Variants in RBFOX3 observed in about 807,000 individuals in gnomAD.
RBFOX3 encodes the protein RNA binding protein fox-1 homolog 3.
A neutral mutation model predicts 48.7 loss-of-function variants in RBFOX3; 17 were observed. The ratio of observed to expected loss-of-function variants is 0.35; its 90% CI spans 0.24 to 0.52. RBFOX3 has a LOEUF of 0.52. Ranked by LOEUF, RBFOX3 falls within the 20% of genes least tolerant of loss-of-function variation. The probability of loss-of-function intolerance (pLI) is 0.94; values close to 1 mark genes in which losing one functional copy is unlikely to be tolerated. For missense variants in RBFOX3, 382 were observed against 497.5 expected, an observed-to-expected ratio of 0.77 and a Z score of 2.21; for synonymous variants, 212 against 209.5, an observed-to-expected ratio of 1.01 and a Z score of -0.10.
At chr17:79,167,339 G>A (rs1385759166) in intron 4 of RBFOX3, among the ~76,000 whole-genome samples, 1 of 151,992 alleles carries the variant, frequency 6.6e-6, no homozygotes, top group African/African-American at 2.4e-5. Context: ...CCTCCCTCTG[G>A]GGTCTCTATC....
At chr17:79,543,690 G>A (rs1360516562) in intron 1 of RBFOX3, among the ~76,000 whole-genome samples, 2 of 152,180 alleles carry the variant, frequency 1.3e-5, no homozygotes, top group Non-Finnish European at 2.9e-5. Flanking sequence ...AAGCATGCTG[G>A]GCACGTTCCA....
At chr17:79,536,158 C>T (rs1454922432) in intron 1 of RBFOX3, among the ~76,000 whole-genome samples, 1 of 142,150 alleles carries the variant, frequency 7.0e-6, no homozygotes, top group Non-Finnish European at 1.5e-5. Context: ...CTTACTGCAA[C>T]CTCTGCCTTC....
In RBFOX3 at chr17:79,142,430, G is replaced by A. The variant is rs74366154; in HGVS notation, c.-33-26682C>T. 6.3e-3 allele frequency among the ~76,000 whole-genome samples: 955 copies of A among 152,262 alleles called. 12 individuals carry two copies. The highest frequency in any genetic ancestry group is 0.022 in the African/African-American group (901 of 41,552). On this transcript the variant is annotated intron_variant, in intron 4 of 14. Coordinates refer to ENST00000693108, the MANE Select transcript of RBFOX3 (RefSeq NM_001350451.2). The stretch of plus-strand genomic sequence containing the variant: ...CAAACAGACCCTGTTGCCCACGGCT[G>A]AGCACTAATGGAATTTCCATCCTAA...
In RBFOX3 at chr17:79,221,592, T is replaced by G. The variant is rs542063106; in HGVS notation, c.-34+14174A>C. Among the ~76,000 whole-genome samples, 341 of 152,348 alleles carry G rather than the reference T, an allele frequency of 2.2e-3. 3 individuals are homozygous for G. In the Middle Eastern group the frequency reaches 0.024, roughly 11 times the overall value. On this transcript the variant is annotated intron_variant, in intron 4 of 14. Coordinates refer to ENST00000693108, the MANE Select transcript of RBFOX3 (RefSeq NM_001350451.2). ...TAACTTGGGTCCCCCAACCCAACTG[T>G]GTCCAGCTGTGGTAAGGTGGGGTCC... is the stretch of plus-strand genomic sequence containing the variant.
rs372411292 is a variant in RBFOX3 at position 79,252,690 on chromosome 17, G to A, written c.-73-16885C>T. Reference sequence around the variant, plus strand: ...TGTTTGCGACGGCGGCACCTAATGCGGTCCTCTTGGAAAGTTCTCAGCGTC... The same window carrying A: ...TGTTTGCGACGGCGGCACCTAATGCAGTCCTCTTGGAAAGTTCTCAGCGTC... On this transcript the variant is annotated intron_variant, in intron 3 of 14. Transcript: ENST00000693108. This position sits in a 1 kb window ranked among gnomAD's most constrained non-coding sequence, Gnocchi z 4.0. 2.6e-5 allele frequency among the ~76,000 whole-genome samples: 4 copies of A among 152,176 alleles called. No individual in the cohort carries two copies. The highest frequency in any genetic ancestry group is 2.1e-4 in the South Asian group (1 of 4,830).
chr17:79,118,119 G>A (rs1421633936), intron 4 of RBFOX3, among the ~76,000 whole-genome samples: 1 of 151,884 alleles, frequency 6.6e-6, no homozygotes, highest in Non-Finnish European at 1.5e-5. Flanking sequence ...CCGGCCCTGG[G>A]CTCTGCAGCG....
the RBFOX3 span, among the ~76,000 whole-genome samples, chr17:79,631,064 C>T: frequency 6.6e-6 from 1 of 152,182 alleles, no homozygotes; most frequent in African/African-American, 2.4e-5. Flanking sequence ...CACGCCAGTG[C>T]CTCTTGCATT....
At position 79,220,782 on chromosome 17, in the gene RBFOX3, C is replaced by G. The variant is rs889241821; in HGVS notation, c.-34+14984G>C. ...AGGTGACACTGCCTGGAGACCCCAG[C>G]CCCAAGTTGGAGCAGCAGGGAGGGA... On this transcript the variant is annotated intron_variant, in intron 4 of 14. Transcript: ENST00000693108. This position sits in a 1 kb window ranked among gnomAD's most constrained non-coding sequence, Gnocchi z 5.9. 6.6e-6 allele frequency among the ~76,000 whole-genome samples: 1 copy of G among 152,126 alleles called. No individual in the cohort carries two copies. The highest frequency in any genetic ancestry group is 2.4e-5 in the African/African-American group (1 of 41,422).
intron 4 of RBFOX3, among the ~76,000 whole-genome samples, chr17:79,152,744 C>T (rs150387095): frequency 1.1e-3 from 166 of 152,340 alleles, no homozygotes; most frequent in African/African-American, 3.8e-3. Flanking sequence ...GCAGTATCCA[C>T]ATAACAAAGG....
intron 4 of RBFOX3, among the ~76,000 whole-genome samples, chr17:79,206,831 C>T (rs1468862727): frequency 1.3e-5 from 2 of 152,200 alleles, no homozygotes; most frequent in Non-Finnish European, 2.9e-5. Flanking sequence ...TTCTACACCA[C>T]TCCTCAGAGA....
intron 4 of RBFOX3, among the ~76,000 whole-genome samples, chr17:79,167,831 T>A (rs1435975546): frequency 6.6e-6 from 1 of 152,140 alleles, no homozygotes; most frequent in Non-Finnish European, 1.5e-5. Context: ...GGAAGCTGCC[T>A]CTCTGGGATG....
In RBFOX3 at chr17:79,319,189, G is replaced by T. The variant is rs551177557; in HGVS notation, c.-174-11365C>A. On this transcript the variant is annotated intron_variant, in intron 2 of 14. Transcript: ENST00000693108. Reference sequence around the variant, plus strand: ...TTTTTAGGTCACCTACTTCCCAGACGGTTTTTCCTGCTTTTCTTTCCTGTT... The same window carrying T: ...TTTTTAGGTCACCTACTTCCCAGACTGTTTTTCCTGCTTTTCTTTCCTGTT... Among the ~76,000 whole-genome samples the T allele has an allele frequency of 1.3e-3, 205 of 152,238 alleles. 2 individuals are homozygous for T. Among genetic ancestry groups the T allele is most frequent in the Non-Finnish European group, 3.2e-4 (22 of 68,014 alleles).
chr17:79,437,939 C>A (rs1334882756), intron 2 of RBFOX3, among the ~76,000 whole-genome samples: 2 of 150,448 alleles, frequency 1.3e-5, no homozygotes, highest in African/African-American at 4.9e-5. Flanking sequence ...CATTCACACA[C>A]AGATACATGC....
At chr17:79,288,656 C>T (rs1224944697) in intron 3 of RBFOX3, among the ~76,000 whole-genome samples, 1 of 152,140 alleles carries the variant, frequency 6.6e-6, no homozygotes, top group Non-Finnish European at 1.5e-5. Flanking sequence ...CACACTCCAG[C>T]GAAATCCCAG....
intron 4 of RBFOX3, among the ~76,000 whole-genome samples, chr17:79,125,491 C>T (rs906990533): frequency 6.6e-6 from 1 of 152,264 alleles, no homozygotes; most frequent in African/African-American, 2.4e-5. Context: ...GGCCAATGTG[C>T]TCTCCGGTCC....
At chr17:79,411,060 T>C (rs1483271226) in intron 2 of RBFOX3, among the ~76,000 whole-genome samples, 1 of 152,198 alleles carries the variant, frequency 6.6e-6, no homozygotes, top group Non-Finnish European at 1.5e-5. Flanking sequence ...TGTGCCTCAG[T>C]TTCCTCCTCT....
intron 3 of RBFOX3, among the ~76,000 whole-genome samples, chr17:79,295,134 G>A (rs1600475759): frequency 1.3e-5 from 2 of 152,158 alleles, no homozygotes; most frequent in East Asian, 3.9e-4. Flanking sequence ...GCTTGGATTT[G>A]GGAATCTTCT....
At position 79,112,905 on chromosome 17, in the gene RBFOX3, G is replaced by GGC. The variant is rs1555693092; in HGVS notation, c.222+2588_222+2589insGC. 3.6e-3 allele frequency among the ~76,000 whole-genome samples: 384 copies of GGC among 105,950 alleles called. 3 individuals carry two copies. Among genetic ancestry groups the GGC allele is most frequent in the African/African-American group, 0.01 (256 of 24,896 alleles). 69.5% of individuals were successfully genotyped at this position (105,950 alleles called of 152,430 possible). ...GTGCCAACCTGGGCAGCAGGCTCTC[G>GGC]GGGGGGGGGTGGGCTGGGTAGGACT... On this transcript the variant is annotated intron_variant, in intron 5 of 14. Coordinates refer to ENST00000693108, the MANE Select transcript of RBFOX3 (RefSeq NM_001350451.2).
In RBFOX3 at chr17:79,249,974, G is replaced by A. The variant is rs376482246; in HGVS notation, c.-73-14169C>T. On this transcript the variant is annotated intron_variant, in intron 3 of 14. Transcript: ENST00000693108. The surrounding 1 kb of genome is among the most constrained non-coding windows in gnomAD (Gnocchi z 4.1). ...TCCCTGGCATCGCTTTGGCTCTTGC[G>A]AGAGGGAGCCAGTTTTAAGGATGAA... is the stretch of plus-strand genomic sequence containing the variant. 4.8e-4 allele frequency among the ~76,000 whole-genome samples: 73 copies of A among 152,288 alleles called. No homozygotes were observed. The South Asian group carries it at 5.8e-3, about 12-fold the overall frequency.
Sources: allele counts gnomAD v4.1 joint callset (sites outside exome capture counted in the v4.1 genomes callset), GRCh38; gene constraint gnomAD v4.1.1; non-coding constraint Gnocchi (gnomAD v3.1); transcripts MANE v1.5; gene names NCBI Gene and HGNC (gene_info 2026-07-23, HGNC 2026-07-21).